Variants in LHFPL7 observed in about 807,000 individuals in gnomAD.
LHFPL7 encodes the protein LHFPL tetraspan subfamily member 7.
the LHFPL7 span, among the ~76,000 whole-genome samples, chr22:24,940,489 G>A: frequency 6.6e-6 from 1 of 151,244 alleles, no homozygotes; most frequent in Non-Finnish European, 1.5e-5. Flanking sequence ...CCAGCTACTT[G>A]GGAGGCTGAG....
the LHFPL7 span, among the ~76,000 whole-genome samples, chr22:24,944,006 AC>A: frequency 6.6e-6 from 1 of 152,094 alleles, no homozygotes; most frequent in Admixed American, 6.6e-5. Context: ...TTAACCCCCT[AC>A]CCCCAGGATA....
chr22:24,945,117 G>T, the LHFPL7 span, among the ~76,000 whole-genome samples: 1 of 151,966 alleles, frequency 6.6e-6, no homozygotes, highest in East Asian at 1.9e-4. Flanking sequence ...CGCCTAGGCT[G>T]GTCTTGAACT....
chr22:24,938,449 C>G, the LHFPL7 span, among the ~76,000 whole-genome samples: 1 of 152,226 alleles, frequency 6.6e-6, no homozygotes, highest in Admixed American at 6.5e-5. Flanking sequence ...CTTCTGAGTC[C>G]TCGCAGCATG....
the LHFPL7 span, among the ~76,000 whole-genome samples, chr22:24,945,637 A>T: frequency 6.6e-6 from 1 of 152,194 alleles, no homozygotes. Flanking sequence ...TGAGATGTGT[A>T]TCTTCCCCAA....
the LHFPL7 span, among the ~76,000 whole-genome samples, chr22:24,937,822 G>T: frequency 6.6e-6 from 1 of 152,242 alleles, no homozygotes; most frequent in African/African-American, 2.4e-5. Context: ...GGGCATGCTT[G>T]CACAGTGCAC....
chr22:24,941,012 G>T, the LHFPL7 span, among the ~76,000 whole-genome samples: 1 of 151,620 alleles, frequency 6.6e-6, no homozygotes, highest in Non-Finnish European at 1.5e-5. Context: ...CCCTATATTG[G>T]CCAGGCTGGC....
chr22:24,941,659 T>C, the LHFPL7 span, among the ~76,000 whole-genome samples: 1 of 151,400 alleles, frequency 6.6e-6, no homozygotes, highest in Non-Finnish European at 1.5e-5. Flanking sequence ...CAAATTTTTT[T>C]GTTTGTTTGT....
the LHFPL7 span, among the ~76,000 whole-genome samples, chr22:24,940,206 G>A: frequency 2.0e-5 from 3 of 149,842 alleles, no homozygotes; most frequent in East Asian, 6.1e-4. Flanking sequence ...GATTACAGGC[G>A]TGAGCCACCG....
At chr22:24,944,896 G>A in the LHFPL7 span, among the ~76,000 whole-genome samples, 31 of 151,880 alleles carry the variant, frequency 2.0e-4, no homozygotes, top group South Asian at 2.7e-3. Context: ...CCCAACCTCT[G>A]CCTCTCGGGT....
chr22:24,936,435 C>T, the LHFPL7 span, among the ~76,000 whole-genome samples: 3 of 152,182 alleles, frequency 2.0e-5, no homozygotes, highest in African/African-American at 7.2e-5. Flanking sequence ...ACAGTTCATT[C>T]ATCCACTTAT....
the LHFPL7 span, chr22:24,935,368 C>G: frequency 8.1e-6 from 13 of 1,613,616 alleles, no homozygotes; most frequent in Non-Finnish European, 1.0e-5. Flanking sequence ...ATGATTCTCT[C>G]GGTGGCACTG....
chr22:24,938,882 T>C, the LHFPL7 span, among the ~76,000 whole-genome samples: 1 of 152,212 alleles, frequency 6.6e-6, no homozygotes, highest in Admixed American at 6.5e-5. Context: ...GGTTGTATAC[T>C]GCACAACTCT....
the LHFPL7 span, among the ~76,000 whole-genome samples, chr22:24,938,857 A>C: frequency 6.6e-6 from 1 of 152,184 alleles, no homozygotes; most frequent in African/African-American, 2.4e-5. Flanking sequence ...GAGGGTGGCC[A>C]GGTAAGAGCG....
At chr22:24,940,651 T>TTCCTTCCC in the LHFPL7 span, among the ~76,000 whole-genome samples, 1 of 111,598 alleles carries the variant, frequency 9.0e-6, no homozygotes, top group Non-Finnish European at 1.7e-5. Flanking sequence ...CCTTCCTTCC[T>TTCCTTCCC]TCCTTCCTTC....
At chr22:24,945,687 C>T in the LHFPL7 span, among the ~76,000 whole-genome samples, 1 of 152,188 alleles carries the variant, frequency 6.6e-6, no homozygotes, top group East Asian at 1.9e-4. Context: ...ACAGACACAG[C>T]TCCACACCAT....
chr22:24,938,266 C>G, the LHFPL7 span: 2 of 1,613,826 alleles, frequency 1.2e-6, no homozygotes, highest in East Asian at 4.5e-5. Flanking sequence ...AGCCAGCCTC[C>G]GAGGAGCATC....
At chr22:24,935,241 G>A in the LHFPL7 span, 10 of 1,504,172 alleles carry the variant, frequency 6.6e-6, no homozygotes, top group Non-Finnish European at 8.9e-6. Flanking sequence ...AAGTCACACA[G>A]CAAGAAGGAG....
At chr22:24,936,195 T>TCC in the LHFPL7 span, among the ~76,000 whole-genome samples, 1 of 152,112 alleles carries the variant, frequency 6.6e-6, no homozygotes, top group Admixed American at 6.6e-5. Flanking sequence ...ATTCTCTCCA[T>TCC]CCCTCTGTCC....
At chr22:24,941,979 T>TTTTA in the LHFPL7 span, among the ~76,000 whole-genome samples, 9,462 of 145,910 alleles carry the variant, frequency 0.065, 629 homozygotes, top group African/African-American at 0.16. Flanking sequence ...TTCAAATGTA[T>TTTTA]TTTATTTATT....
Sources: allele counts gnomAD v4.1 joint callset (sites outside exome capture counted in the v4.1 genomes callset), GRCh38; gene constraint gnomAD v4.1.1; transcripts MANE v1.5; gene names NCBI Gene and HGNC (gene_info 2026-07-23, HGNC 2026-07-21).